The following SEZ6 variants were observed in gnomAD, a reference collection of about 807,000 sequenced individuals.
The protein encoded by SEZ6 is seizure protein 6 homolog.
A neutral mutation model predicts 101.0 loss-of-function variants in SEZ6; 53 were observed. The ratio of observed to expected loss-of-function variants is 0.52; its 90% CI spans 0.42 to 0.66. SEZ6 has a LOEUF of 0.66. Among genes scored for constraint, SEZ6 ranks in the 30% least tolerant of loss-of-function variants. The pLI, the probability that SEZ6 is intolerant of heterozygous loss-of-function variation, is 0.00. For synonymous variants in SEZ6, 488 were observed against 512.2 expected (o/e 0.95, Z 0.64); for missense variants, 1,102 against 1,289.4 (o/e 0.85, Z 2.23).
At chr17:28,979,959 G>T in intron 2 of SEZ6, 146 bp from the exon 3 acceptor site, 1 of 896,394 alleles carries the variant, frequency 1.1e-6, no homozygotes, top group Non-Finnish European at 1.6e-6. Flanking sequence ...CTAGTCTCCT[G>T]TTGAAGGAAG....
chr17:28,992,244 C>T (rs1323170964), intron 1 of SEZ6, among the ~76,000 whole-genome samples: 1 of 152,196 alleles, frequency 6.6e-6, no homozygotes, highest in Admixed American at 6.5e-5. Context: ...AGTGAATCCT[C>T]CTAGTTCACA....
At chr17:29,002,820 G>T (rs1237952778) in intron 1 of SEZ6, among the ~76,000 whole-genome samples, 1 of 152,204 alleles carries the variant, frequency 6.6e-6, no homozygotes, top group East Asian at 1.9e-4. Flanking sequence ...GCCCTCGTTT[G>T]TTAACCCTTG....
rs142553146 is a variant in SEZ6 at position 29,002,710 on chromosome 17, G to A, written c.55+3105C>T. ...GGGACAAGGAACAGGACCTAGTATT[G>A]GTTTCAGCAGCAGCCCCCAGACTCA... On this transcript the variant is annotated intron_variant, in intron 1 of 16. Coordinates refer to ENST00000317338, the MANE Select transcript of SEZ6 (RefSeq NM_178860.5). Among the ~76,000 whole-genome samples the A allele has an allele frequency of 5.9e-3, 906 of 152,316 alleles. 6 individuals carry two copies. The highest frequency in any genetic ancestry group is 9.9e-3 in the Non-Finnish European group (675 of 68,018).
intron 11 of SEZ6, 52 bp from the exon 12 acceptor site, chr17:28,957,591 G>A: frequency 6.4e-7 from 1 of 1,554,284 alleles, no homozygotes; most frequent in Non-Finnish European, 8.7e-7. Context: ...CTAAGCAGAG[G>A]CCAATCCACC....
chr17:28,965,117 C>T (rs1270569733), intron 4 of SEZ6, among the ~76,000 whole-genome samples: 6 of 151,880 alleles, frequency 4.0e-5, no homozygotes, highest in East Asian at 1.9e-4. Flanking sequence ...TTTGGGAGGC[C>T]GAAGTGGGCG....
intron 1 of SEZ6, among the ~76,000 whole-genome samples, chr17:28,996,212 G>A (rs2041536615): frequency 6.6e-6 from 1 of 152,074 alleles, no homozygotes; most frequent in African/African-American, 2.4e-5. Flanking sequence ...ATGGCTTAGG[G>A]AGGAGTCACT....
In SEZ6 at chr17:28,981,374, G is replaced by C; in HGVS notation, c.721C>G (p.Pro241Ala). ...TGCAAGCCAGCAGGTAGCTGACCTGGTGTCTGGACTGTGGTGATGGTGGTG... is the reference window on the plus strand; with the variant it reads ...TGCAAGCCAGCAGGTAGCTGACCTGCTGTCTGGACTGTGGTGATGGTGGTG... ...ITTTITTVQT[P>A]GPCSWNFSGP... Residue 241 changes from proline (P) to alanine (A), a missense_variant, in exon 2 of 17, where the codon CCA becomes GCA. Around this residue, in one of 3 missense-constraint regions of SEZ6, gnomAD observed 406 missense variants for 418.6 expected, o/e 0.97. Transcript: ENST00000317338. The C allele has an allele frequency of 6.5e-7, 1 of 1,544,948 alleles. No individual in the cohort carries two copies. Among genetic ancestry groups the C allele is most frequent in the African/African-American group, 1.4e-5 (1 of 73,104 alleles).
intron 1 of SEZ6, among the ~76,000 whole-genome samples, chr17:28,997,298 G>T (rs1002765623): frequency 6.6e-6 from 1 of 152,166 alleles, no homozygotes; most frequent in Admixed American, 6.5e-5. Flanking sequence ...GTCCACAAAA[G>T]TTGACTCCAT....
In SEZ6 at chr17:28,969,878, C is replaced by T; in HGVS notation, c.933G>A (p.Leu311=). The T allele has an allele frequency of 6.5e-7, 1 of 1,541,544 alleles. No homozygotes were observed. Among genetic ancestry groups the T allele is most frequent in the Non-Finnish European group, 8.7e-7 (1 of 1,152,908 alleles). The part of the protein sequence containing the change: ...EGLGGPDPLP[L]ANQSFLLRGQ... ...CCCGCAGCAGGAAAGACTGGTTGGC[C>T]AGGGGCAGTGGGTCAGGCCCCCCCA... is the stretch of plus-strand genomic sequence containing the variant. The change falls in exon 4 of 17, where the codon CTG becomes CTA. Residue 311 remains leucine (L), a synonymous_variant. Coordinates refer to ENST00000317338, the MANE Select transcript of SEZ6 (RefSeq NM_178860.5).
chr17:28,969,225 G>T (rs1167471379), intron 4 of SEZ6, among the ~76,000 whole-genome samples: 1 of 152,144 alleles, frequency 6.6e-6, no homozygotes, highest in African/African-American at 2.4e-5. Context: ...AGCTGATTGG[G>T]GCATGGGCCA....
chr17:28,976,373 C>A (rs1275009417), intron 3 of SEZ6, among the ~76,000 whole-genome samples: 1 of 152,236 alleles, frequency 6.6e-6, no homozygotes, highest in Non-Finnish European at 1.5e-5. Flanking sequence ...AGGGTCCCAG[C>A]ATGGTGTCTG....
At chr17:28,974,855 A>C (rs2041201477) in intron 3 of SEZ6, among the ~76,000 whole-genome samples, 1 of 152,246 alleles carries the variant, frequency 6.6e-6, no homozygotes, top group Non-Finnish European at 1.5e-5. Context: ...CTTGTGCCAC[A>C]GACAGGCCTA....
chr17:28,975,430 G>C (rs1219997224), intron 3 of SEZ6, among the ~76,000 whole-genome samples: 1 of 152,198 alleles, frequency 6.6e-6, no homozygotes, highest in Non-Finnish European at 1.5e-5. Flanking sequence ...CACAGAGAAG[G>C]CCAGGGGTTT....
At chr17:28,985,044 C>A (rs1481541360) in intron 1 of SEZ6, among the ~76,000 whole-genome samples, 2 of 152,190 alleles carry the variant, frequency 1.3e-5, no homozygotes, top group African/African-American at 2.4e-5. Context: ...AGACCTGAAG[C>A]CTAGAGAGCT....
rs555695600 is a variant in SEZ6 at position 28,983,822 on chromosome 17, G to A, written c.56-1783C>T. 7.2e-5 allele frequency among the ~76,000 whole-genome samples: 11 copies of A among 152,238 alleles called. No homozygotes were observed. In the South Asian group the frequency reaches 1.0e-3, roughly 14 times the overall value. On this transcript the variant is annotated intron_variant, in intron 1 of 16. Transcript: ENST00000317338. ...AAGGAGAAGGTCGCTTCCTCCGCAC[G>A]TCTGGTGGTGGGGCTGTCATTCCAG...
intron 5 of SEZ6, among the ~76,000 whole-genome samples, chr17:28,962,591 C>G (rs185598793): frequency 7.3e-5 from 11 of 151,008 alleles, no homozygotes; most frequent in Admixed American, 7.3e-4. Context: ...TCAGACTGGC[C>G]AACATGGTGA....
At chr17:28,960,259 T>G in intron 7 of SEZ6, 1 of 607,586 alleles carries the variant, frequency 1.6e-6, no homozygotes, top group Non-Finnish European at 2.9e-6. Context: ...TTTCAAAATC[T>G]GGAGAATTTA....
chr17:28,981,341 T>G, intron 2 of SEZ6, 30 bp downstream of exon 2: 2 of 1,522,436 alleles, frequency 1.3e-6, no homozygotes, highest in Non-Finnish European at 1.8e-6. Context: ...CATCCCCATT[T>G]CCACATCTGC....
chr17:28,956,839 T>C, intron 13 of SEZ6, 82 bp from the exon 14 acceptor site: 1 of 1,496,258 alleles, frequency 6.7e-7, no homozygotes, highest in South Asian at 1.2e-5. Context: ...GGTAGTGGGA[T>C]GATCATGGGA....
Sources: gnomAD v4.1 joint callset for allele counts (sites outside exome capture counted in the v4.1 genomes callset) on GRCh38, gnomAD v4.1.1 for gene constraint, gnomAD v4.1.1 regional missense constraint, MANE v1.5 for transcripts, NCBI Gene and HGNC (gene_info 2026-07-23, HGNC 2026-07-21) for gene names.